RAPGEF6: variants seen among roughly 807,000 people sequenced by gnomAD.
RAPGEF6 encodes Rap guanine nucleotide exchange factor 6, also known as PDZ domain containing guanine nucleotide exchange factor (GEF) 2.
A neutral mutation model predicts 171.4 loss-of-function variants in RAPGEF6; 56 were observed. The observed-to-expected ratio is 0.33, with a 90% CI of 0.26 to 0.41. The LOEUF is 0.41. RAPGEF6 is among the 10% of genes least tolerant of loss of function. RAPGEF6 has a pLI of 1.00. For synonymous variants in RAPGEF6, 692 were observed against 650.1 expected (o/e 1.06, Z -0.98); for missense variants, 1,674 against 1,921.4 (o/e 0.87, Z 2.41).
chr5:131,544,796 C>T (rs1431268077), intron 6 of RAPGEF6, among the ~76,000 whole-genome samples: 1 of 152,160 alleles, frequency 6.6e-6, no homozygotes, highest in Non-Finnish European at 1.5e-5. Context: ...GATTCTCCTG[C>T]CTCAGCCTCC....
At chr5:131,614,242 A>T (rs549207592) in intron 1 of RAPGEF6, among the ~76,000 whole-genome samples, 1 of 129,510 alleles carries the variant, frequency 7.7e-6, no homozygotes, top group South Asian at 2.6e-4. Context: ...AGATCATGCC[A>T]CTTCATTTCA....
intron 11 of RAPGEF6, among the ~76,000 whole-genome samples, chr5:131,500,649 T>C (rs1223198672): frequency 2.0e-5 from 3 of 152,178 alleles, no homozygotes; most frequent in Non-Finnish European, 2.9e-5. Context: ...TGTCTCTGTC[T>C]GGCCACCCTT....
At chr5:131,471,882 A>G (rs1754764839) in intron 17 of RAPGEF6, among the ~76,000 whole-genome samples, 1 of 152,092 alleles carries the variant, frequency 6.6e-6, no homozygotes, top group African/African-American at 2.4e-5. Context: ...CAAAATTACT[A>G]ACACTTTTCT....
chr5:131,495,694 T>C (rs1159045486), intron 12 of RAPGEF6, 34 bp from the exon 13 acceptor site: 5 of 1,591,152 alleles, frequency 3.1e-6, no homozygotes, highest in Admixed American at 3.5e-5. Flanking sequence ...CATATGGTTA[T>C]AAGAGGCATT....
At chr5:131,456,565 A>G (rs1485797860) in intron 19 of RAPGEF6, among the ~76,000 whole-genome samples, 1 of 152,192 alleles carries the variant, frequency 6.6e-6, no homozygotes, top group African/African-American at 2.4e-5. Flanking sequence ...AGGATTTTAA[A>G]TAGGCTCAGA....
At chr5:131,543,574 A>G (rs1044529090) in intron 6 of RAPGEF6, among the ~76,000 whole-genome samples, 8 of 152,336 alleles carry the variant, frequency 5.3e-5, no homozygotes, top group African/African-American at 1.9e-4. Flanking sequence ...CTGTGAATAC[A>G]CACACATTCT....
In RAPGEF6 at chr5:131,510,441, T is replaced by A. The variant is rs761828242; in HGVS notation, c.678A>T (p.Gly226=). ...GDVDLTRLPE[G]PVDSEDDEEE... Reference sequence around the variant, plus strand: ...CTTCGTCATCCTCAGAATCAACAGGTCCTTCTGGAAGACGTGTCAAATCTA... The same window carrying A: ...CTTCGTCATCCTCAGAATCAACAGGACCTTCTGGAAGACGTGTCAAATCTA... Residue 226 remains glycine, a synonymous_variant, in exon 8 of 28, where the codon GGA becomes GGT. Coordinates refer to ENST00000509018, the MANE Select transcript of RAPGEF6 (RefSeq NM_016340.6). 6.2e-7 allele frequency: 1 copy of A among 1,614,074 alleles called. No individual in the cohort carries two copies. Among genetic ancestry groups the A allele is most frequent in the Non-Finnish European group, 8.5e-7 (1 of 1,179,990 alleles).
intron 12 of RAPGEF6, among the ~76,000 whole-genome samples, chr5:131,496,220 C>A (rs1756632090): frequency 6.6e-6 from 1 of 152,142 alleles, no homozygotes; most frequent in Non-Finnish European, 1.5e-5. Context: ...TCTGAAACTT[C>A]TTTCATTATA....
chr5:131,424,519 A>C lies in RAPGEF6; in HGVS notation c.*2747T>G, dbSNP rs1751307124. ...TTTGTAGAGGAAAGAACACTTGATAAAAATTAGATTTGTTCTTAAAAACAC... is the reference window on the plus strand; with the variant it reads ...TTTGTAGAGGAAAGAACACTTGATACAAATTAGATTTGTTCTTAAAAACAC... On this transcript the variant is annotated 3_prime_UTR_variant, in exon 28 of 28. Coordinates refer to ENST00000509018, the MANE Select transcript of RAPGEF6 (RefSeq NM_016340.6). 6.6e-6 allele frequency: 1 copy of C among 152,332 alleles called. No individual in the cohort carries two copies. The highest frequency in any genetic ancestry group is 2.1e-4 in the South Asian group (1 of 4,836). 9.4% of individuals were successfully genotyped at this position (152,332 alleles called of 1,614,324 possible).
intron 1 of RAPGEF6, among the ~76,000 whole-genome samples, chr5:131,606,028 TCAAAAAAAAAAAA>T (rs1412355373): frequency 2.2e-5 from 1 of 45,808 alleles, no homozygotes. Context: ...AGACTCCATC[TCAAAAAAAAAAAA>T]AAAAAAAAAA....
At chr5:131,563,817 T>C (rs983387165) in intron 4 of RAPGEF6, among the ~76,000 whole-genome samples, 4 of 152,162 alleles carry the variant, frequency 2.6e-5, no homozygotes, top group African/African-American at 7.2e-5. Context: ...ACTTGTTTTT[T>C]CTTAAGCAGA....
intron 4 of RAPGEF6, among the ~76,000 whole-genome samples, chr5:131,590,482 ATT>A (rs1763525330): frequency 1.3e-5 from 2 of 152,180 alleles, no homozygotes; most frequent in Admixed American, 6.5e-5. Flanking sequence ...GAAGCCAAAA[ATT>A]ACTTGATGCT....
rs143912879 is a variant in RAPGEF6, at chr5:131,521,497, G to A, written c.520C>T (p.His174Tyr). The A allele has an allele frequency of 1.9e-5, 31 of 1,610,636 alleles. No homozygotes were observed. Among genetic ancestry groups the A allele is most frequent in the Non-Finnish European group, 2.5e-5 (30 of 1,178,210 alleles). ...TGTGGATGAGGGTTTTCTGTGAGAT[G>A]CATCTTGGTAAGATCAGCTGGAAGC... Reference protein sequence around the residue: ...LSLPADLTKMHLTENPHPQVT... With the variant: ...LSLPADLTKMYLTENPHPQVT... Residue 174 changes from histidine to tyrosine, a missense_variant, in exon 7 of 28, where the codon CAT becomes TAT. Physicochemically the swap from His to Tyr is moderately conservative, Grantham distance 83. Coordinates refer to ENST00000509018, the MANE Select transcript of RAPGEF6 (RefSeq NM_016340.6).
At position 131,605,290 on chromosome 5, in the gene RAPGEF6, A is replaced by C. The variant is rs574969155; in HGVS notation, c.70-597T>G. Among the ~76,000 whole-genome samples, 10 of 152,316 alleles carry C rather than the reference A, an allele frequency of 6.6e-5. No homozygotes were observed. In the East Asian group the frequency reaches 1.9e-3, roughly 29 times the overall value. On this transcript the variant is annotated intron_variant, in intron 1 of 27. Coordinates refer to ENST00000509018, the MANE Select transcript of RAPGEF6 (RefSeq NM_016340.6). Reference sequence around the variant, plus strand: ...CCTCAAGATGACATAGTATAACCTCAACTAAGAGCAGTGGCATAGCAGAAG... The same window carrying C: ...CCTCAAGATGACATAGTATAACCTCCACTAAGAGCAGTGGCATAGCAGAAG...
chr5:131,570,926 T>C (rs919035048), intron 4 of RAPGEF6, among the ~76,000 whole-genome samples: 4 of 150,714 alleles, frequency 2.7e-5, no homozygotes, highest in African/African-American at 9.8e-5. Context: ...ACTCCCCACG[T>C]CTTCATCCCC....
chr5:131,521,323 C>T, intron 7 of RAPGEF6, 67 bp downstream of exon 7: 2 of 1,438,702 alleles, frequency 1.4e-6, no homozygotes. Context: ...CCATCTAAGG[C>T]ACAATCACAG....
At chr5:131,504,441 AAC>A (rs1757217651) in intron 11 of RAPGEF6, among the ~76,000 whole-genome samples, 183 bp downstream of exon 11, 2 of 152,064 alleles carry the variant, frequency 1.3e-5, no homozygotes, top group Admixed American at 1.3e-4. Flanking sequence ...CAGCCTGGGC[AAC>A]AGAGTGAGAC....
intron 7 of RAPGEF6, among the ~76,000 whole-genome samples, chr5:131,515,730 T>C (rs939621073): frequency 1.3e-5 from 2 of 152,180 alleles, no homozygotes; most frequent in African/African-American, 4.8e-5. Context: ...GTCATCTTCA[T>C]GAAGCTACGG....
rs146554509 is a variant in RAPGEF6, at chr5:131,585,804, C to T, written c.281+6579G>A. Among the ~76,000 whole-genome samples the T allele has an allele frequency of 3.9e-4, 60 of 152,174 alleles. No individual in the cohort carries two copies. The East Asian group carries it at 8.7e-3, about 22-fold the overall frequency. ...TCGCGCCATTGCACCCCAGCCTGGGCGGCAAGAGCGAAACTCCGTCCCCAA... is the reference window on the plus strand; with the variant it reads ...TCGCGCCATTGCACCCCAGCCTGGGTGGCAAGAGCGAAACTCCGTCCCCAA... On this transcript the variant is annotated intron_variant, in intron 4 of 27. Coordinates refer to ENST00000509018, the MANE Select transcript of RAPGEF6 (RefSeq NM_016340.6).
Sources: allele counts gnomAD v4.1 joint callset (sites outside exome capture counted in the v4.1 genomes callset), GRCh38; gene constraint gnomAD v4.1.1; transcripts MANE v1.5; gene names NCBI Gene and HGNC (gene_info 2026-07-23, HGNC 2026-07-21).